PCDHGB7: variants seen among roughly 807,000 people sequenced by gnomAD.
The protein encoded by PCDHGB7 is protocadherin gamma subfamily B, 7.
PCDHGB7 carries 37 observed loss-of-function variants against 61.4 expected under a neutral mutation model. That is an observed-to-expected ratio of 0.60 (90% CI 0.46 to 0.79). The LOEUF (loss-of-function observed/expected upper bound fraction) is 0.79, where lower values mean the gene tolerates loss of function less well. Ranked by LOEUF, PCDHGB7 falls within the 30% of genes least tolerant of loss-of-function variation. The probability of loss-of-function intolerance (pLI) is 0.00; values close to 1 mark genes in which losing one functional copy is unlikely to be tolerated. For missense variants in PCDHGB7, 1,166 were observed against 1,202.5 expected (o/e 0.97, Z 0.45); for synonymous variants, 464 against 503.5 (o/e 0.92, Z 1.05).
At chr5:141,453,321 T>TG (rs2098762672) in intron 1 of PCDHGB7, among the ~76,000 whole-genome samples, 2 of 151,876 alleles carry the variant, frequency 1.3e-5, no homozygotes, top group Admixed American at 6.6e-5. Context: ...ATTTTAGAGA[T>TG]GGGGTCTCAC....
chr5:141,508,409 G>T (rs143032030), intron 3 of PCDHGB7: 4 of 152,276 alleles, frequency 2.6e-5, no homozygotes, highest in South Asian at 2.1e-4. Context: ...CTTGAGCCAC[G>T]CAGAGACTTG....
At chr5:141,495,480 C>A (rs2099761689) in intron 2 of PCDHGB7, among the ~76,000 whole-genome samples, 1 of 152,208 alleles carries the variant, frequency 6.6e-6, no homozygotes, top group African/African-American at 2.4e-5. Flanking sequence ...CGTGTCTCTG[C>A]CCCTTTTTCT....
intron 3 of PCDHGB7, among the ~76,000 whole-genome samples, chr5:141,506,833 C>A (rs1462038297): frequency 1.3e-5 from 2 of 152,092 alleles, no homozygotes; most frequent in African/African-American, 4.8e-5. Context: ...AACTGATAGC[C>A]CTGCCCTCCA....
Position 141,419,075 on chromosome 5 carries a change from A to G in PCDHGB7, c.1216A>G (p.Thr406Ala). The change falls in exon 1 of 4, where the codon ACA (threonine) becomes GCA (alanine). Residue 406 changes from threonine (T) to alanine (A), a missense_variant. Transcript: ENST00000398594. ...TTCTAATAATTACTACAAGCTAGTA[A>G]CAGATGAGGCCCTGGATCGGGAGCA... ...SSSNNYYKLV[T>A]DEALDREQTP... The G allele has an allele frequency of 6.2e-7, 1 of 1,613,968 alleles. No individual in the cohort carries two copies. Among genetic ancestry groups the G allele is most frequent in the Non-Finnish European group, 8.5e-7 (1 of 1,179,904 alleles).
chr5:141,511,293 G>A lies in PCDHGB7; in HGVS notation c.*120G>A, dbSNP rs1028501355. On this transcript the variant is annotated 3_prime_UTR_variant, in exon 4 of 4. Coordinates refer to ENST00000398594, the MANE Select transcript of PCDHGB7 (RefSeq NM_018927.4). ...CCCCAGAATACTGGTAGGGGCCAAG[G>A]CCATGCTCCCCTTGGGAAACAGAAA... The A allele has an allele frequency of 3.3e-6, 5 of 1,509,316 alleles. No individual in the cohort carries two copies. In the African/African-American group the frequency reaches 5.6e-5, roughly 17 times the overall value. The allele number at this position is 1,509,316 out of a possible 1,614,324, so 93.5% of individuals were successfully genotyped here.
rs1442570663 is a variant in PCDHGB7, at chr5:141,438,613, TATATATATATATATATATATATACACAC to T, written c.2415+18341_2415+18368del. On this transcript the variant is annotated intron_variant, in intron 1 of 3. Transcript: ENST00000398594. Reference sequence around the variant, plus strand: ...ATACATATATATATATATATATATATATATATATATATATATATATATACACACACACACACACATATATGTATATATA... The same window carrying T: ...ATACATATATATATATATATATATATACACACACACATATATGTATATATA... Among the ~76,000 whole-genome samples, 243 of 36,492 alleles carry T rather than the reference TATATATATATATATATATATATACACAC, an allele frequency of 6.7e-3. 7 individuals are homozygous for T. The highest frequency in any genetic ancestry group is 0.033 in the East Asian group (37 of 1,124). The allele number at this position is 36,492 out of a possible 152,430, so 23.9% of individuals were successfully genotyped here.
intron 1 of PCDHGB7, chr5:141,422,091 G>C: frequency 6.2e-7 from 1 of 1,611,830 alleles, no homozygotes. Context: ...TGGAAAGCAA[G>C]GCTTCTGAAA....
chr5:141,458,409 G>C (rs188300064), intron 1 of PCDHGB7, among the ~76,000 whole-genome samples: 1 of 152,244 alleles, frequency 6.6e-6, no homozygotes, highest in African/African-American at 2.4e-5. Context: ...GAGACGGAGC[G>C]GGGGTTCCAA....
At chr5:141,423,572 G>A (rs1239529114) in intron 1 of PCDHGB7, 1 of 1,613,510 alleles carries the variant, frequency 6.2e-7, no homozygotes, top group Admixed American at 1.7e-5. Flanking sequence ...ACGCTCATCA[G>A]CCAGGAGAGC....
intron 1 of PCDHGB7, among the ~76,000 whole-genome samples, chr5:141,452,199 G>T (rs2098736057): frequency 1.3e-5 from 2 of 151,778 alleles, no homozygotes; most frequent in African/African-American, 4.8e-5. Flanking sequence ...AATTGTTTTA[G>T]ATGTTACCAA....
At chr5:141,455,239 G>A (rs1034181635) in intron 1 of PCDHGB7, among the ~76,000 whole-genome samples, 1 of 151,898 alleles carries the variant, frequency 6.6e-6, no homozygotes, top group African/African-American at 2.4e-5. Context: ...AAATGTTAAA[G>A]GTCATAGTAC....
chr5:141,423,574 C>T (rs953989787), intron 1 of PCDHGB7: 2 of 1,613,328 alleles, frequency 1.2e-6, no homozygotes, highest in Non-Finnish European at 1.7e-6. Flanking sequence ...GCTCATCAGC[C>T]AGGAGAGCTG....
chr5:141,475,977 A>C, intron 1 of PCDHGB7: 1 of 972,828 alleles, frequency 1.0e-6, no homozygotes, highest in Non-Finnish European at 1.5e-6. Flanking sequence ...GAGACTGAAC[A>C]GCCGGCGAGC....
intron 1 of PCDHGB7, among the ~76,000 whole-genome samples, chr5:141,454,796 ATTTTTTTTTTT>A (rs61612330): frequency 0.01 from 775 of 77,498 alleles, 10 homozygotes; most frequent in African/African-American, 0.043. Context: ...CATGGTTCTA[ATTTTTTTTTTT>A]TTTTTTTTTT....
In PCDHGB7 at chr5:141,493,668, GC is replaced by G. The variant is rs1178535601; in HGVS notation, c.2416-1135del. On this transcript the variant is annotated intron_variant, in intron 1 of 3. Coordinates refer to ENST00000398594, the MANE Select transcript of PCDHGB7 (RefSeq NM_018927.4). This position sits in a 1 kb window ranked among gnomAD's most constrained non-coding sequence, Gnocchi z 4.3. ...CATCCCTGTGCCCTTCTCCATGGCAGCCCCAGAATGGTGCTGGTGACTCCCG... is the reference window on the plus strand; with the variant it reads ...CATCCCTGTGCCCTTCTCCATGGCAGCCCAGAATGGTGCTGGTGACTCCCG... Among the ~76,000 whole-genome samples the G allele has an allele frequency of 6.6e-6, 1 of 152,140 alleles. No individual in the cohort carries two copies. The highest frequency in any genetic ancestry group is 2.4e-5 in the African/African-American group (1 of 41,422).
At position 141,486,882 on chromosome 5, in the gene PCDHGB7, C is replaced by T; in HGVS notation, c.2416-7925C>T. The T allele has an allele frequency of 6.2e-7, 1 of 1,614,244 alleles. No individual in the cohort carries two copies. The highest frequency in any genetic ancestry group is 1.1e-5 in the South Asian group (1 of 91,086). On this transcript the variant is annotated intron_variant, in intron 1 of 3. Transcript: ENST00000398594. This position sits in a 1 kb window ranked among gnomAD's most constrained non-coding sequence, Gnocchi z 5.0. ...GCTCCAGCTGTGCTCCGTCCTCGGG[C>T]CCGGCCTGGTTCCTTATGTCCCCAA...
chr5:141,473,219 G>A (rs1198994780), intron 1 of PCDHGB7, among the ~76,000 whole-genome samples: 2 of 151,864 alleles, frequency 1.3e-5, no homozygotes, highest in Non-Finnish European at 2.9e-5. Flanking sequence ...TTACTTCCAG[G>A]GAGATTGGAT....
At position 141,511,462 on chromosome 5, in the gene PCDHGB7, C is replaced by A. The variant is rs1385398410; in HGVS notation, c.*289C>A. ...AGACACCAAGAACCATTTGCCACAC[C>A]CCGTTTAGTTACAGCTGAACTCCTC... On this transcript the variant is annotated 3_prime_UTR_variant, in exon 4 of 4. Coordinates refer to ENST00000398594, the MANE Select transcript of PCDHGB7 (RefSeq NM_018927.4). The A allele has an allele frequency of 4.7e-5, 26 of 556,350 alleles. No individual in the cohort carries two copies. Among genetic ancestry groups the A allele is most frequent in the Non-Finnish European group, 9.1e-6 (3 of 329,202 alleles). 34.5% of individuals were successfully genotyped at this position (556,350 alleles called of 1,614,324 possible). A position where few individuals can be genotyped will look rare whatever the true frequency, so the allele number is the denominator to read the frequency against.
At chr5:141,423,384 C>G (rs1196881147) in intron 1 of PCDHGB7, 1 of 1,614,054 alleles carries the variant, frequency 6.2e-7, no homozygotes, top group Non-Finnish European at 8.5e-7. Context: ...GGCTGTGGCG[C>G]TGGCATAAGT....
Sources: allele counts gnomAD v4.1 joint callset (sites outside exome capture counted in the v4.1 genomes callset), GRCh38; gene constraint gnomAD v4.1.1; non-coding constraint Gnocchi (gnomAD v3.1); transcripts MANE v1.5; gene names NCBI Gene and HGNC (gene_info 2026-07-23, HGNC 2026-07-21).